The following CFAP52 variants were observed in gnomAD, a reference collection of about 807,000 sequenced individuals.
CFAP52 encodes cilia and flagella associated protein 52.
In CFAP52, 57 loss-of-function variants were observed where a neutral mutation model predicts 70.5. The observed-to-expected ratio is 0.81, with a 90% CI of 0.65 to 1.01. The LOEUF (loss-of-function observed/expected upper bound fraction) is 1.01. CFAP52 is among the 50% of genes least tolerant of loss of function. The pLI is 0.00. For missense variants in CFAP52, 785 were observed against 788.5 expected, an observed-to-expected ratio of 1.00 and a Z score of 0.05; for synonymous variants, 267 against 292.5, an observed-to-expected ratio of 0.91 and a Z score of 0.89.
chr17:9,607,822 T>C (rs940424163), intron 6 of CFAP52, among the ~76,000 whole-genome samples: 4 of 151,966 alleles, frequency 2.6e-5, no homozygotes, highest in African/African-American at 9.7e-5. Flanking sequence ...CCCAGGAGGG[T>C]TACTTCCTGG....
chr17:9,631,766 A>G (rs985213906), intron 9 of CFAP52, among the ~76,000 whole-genome samples: 7 of 150,180 alleles, frequency 4.7e-5, no homozygotes, highest in East Asian at 1.9e-4. Flanking sequence ...AATGTTTTGG[A>G]AAGTTTTTTT....
At chr17:9,633,675 C>CTTTTT (rs555923244) in intron 10 of CFAP52, among the ~76,000 whole-genome samples, 17 of 138,540 alleles carry the variant, frequency 1.2e-4, no homozygotes, top group African/African-American at 4.5e-4. Flanking sequence ...GTCATCTTAT[C>CTTTTT]TTTTTTTTTT....
rs754402594 is a variant in CFAP52 at position 9,598,262 on chromosome 17, C to T, written c.565C>T (p.Leu189Phe). Residue 189 changes from leucine (L) to phenylalanine (F), a missense_variant, in exon 5 of 14, where the codon CTT (leucine) becomes TTT (phenylalanine). Transcript: ENST00000352665. Reference sequence around the variant, plus strand: ...GACAATTCGAGTATGGGAATTGGATCTTCCAAATAGAAAAATCTGGCCAAC... The same window carrying T: ...GACAATTCGAGTATGGGAATTGGATTTTCCAAATAGAAAAATCTGGCCAAC... ...NGTIRVWELD[L>F]PNRKIWPTEC... 4.3e-6 allele frequency: 7 copies of T among 1,610,054 alleles called. No homozygotes were observed. In the Admixed American group the frequency reaches 1.0e-4, roughly 23 times the overall value.
chr17:9,596,101 ATG>A lies in CFAP52; in HGVS notation c.536+1782_536+1783del, dbSNP rs1402298429. On this transcript the variant is annotated intron_variant, in intron 4 of 13. Coordinates refer to ENST00000352665, the MANE Select transcript of CFAP52 (RefSeq NM_145054.5). ...TATATATATATATATATATATATAT[ATG>A]TACACATATAGAGAGAGACAGACTC... 5.0e-3 allele frequency among the ~76,000 whole-genome samples: 653 copies of A among 131,158 alleles called. 3 individuals carry two copies. The highest frequency in any genetic ancestry group is 9.6e-3 in the African/African-American group (331 of 34,456). The allele number at this position is 131,158 out of a possible 152,430, so 86.0% of individuals were successfully genotyped here. A position where few individuals can be genotyped will look rare whatever the true frequency, so the allele number is the denominator to read the frequency against.
intron 9 of CFAP52, among the ~76,000 whole-genome samples, chr17:9,630,997 AGAAAG>A (rs1910462177): frequency 1.9e-5 from 1 of 51,918 alleles, no homozygotes; most frequent in African/African-American, 1.4e-4. Flanking sequence ...AAAAAAAGAA[AGAAAG>A]AAAGAAAGAA....
At chr17:9,585,486 G>A (rs1260093291) in intron 1 of CFAP52, among the ~76,000 whole-genome samples, 1 of 152,214 alleles carries the variant, frequency 6.6e-6, no homozygotes, top group Middle Eastern at 3.4e-3. Flanking sequence ...GACCAACATG[G>A]TGAAACCCCG....
chr17:9,625,375 A>C (rs1414724830), intron 8 of CFAP52, among the ~76,000 whole-genome samples: 2 of 151,870 alleles, frequency 1.3e-5, no homozygotes, highest in African/African-American at 4.8e-5. Flanking sequence ...TTCCCCCTTT[A>C]AATTCCAGCT....
At chr17:9,628,905 T>C in intron 9 of CFAP52, 85 bp downstream of exon 9, 1 of 1,580,394 alleles carries the variant, frequency 6.3e-7, no homozygotes. Context: ...AGTCTCTACA[T>C]GTGGATAACC....
rs562813196 is a variant in CFAP52, at chr17:9,631,769, G to GTTTTTTTTT, written c.1175-1112_1175-1104dup. ...GTGCAGTGGGAAAATGTTTTGGAAA[G>GTTTTTTTTT]TTTTTTTTTTTTTTTGAGATGGAGT... On this transcript the variant is annotated intron_variant, in intron 9 of 13. Transcript: ENST00000352665. Among the ~76,000 whole-genome samples the GTTTTTTTTT allele has an allele frequency of 1.3e-3, 185 of 141,566 alleles. 4 individuals are homozygous for GTTTTTTTTT. Among genetic ancestry groups the GTTTTTTTTT allele is most frequent in the African/African-American group, 4.4e-3 (170 of 38,210 alleles). The allele number at this position is 141,566 out of a possible 152,430, so 92.9% of individuals were successfully genotyped here.
At chr17:9,617,011 C>T (rs1039299436) in intron 8 of CFAP52, among the ~76,000 whole-genome samples, 5 of 85,528 alleles carry the variant, frequency 5.8e-5, no homozygotes, top group Admixed American at 2.3e-4. Context: ...ATGATTTTGA[C>T]GAGCTGAGAG....
intron 8 of CFAP52, among the ~76,000 whole-genome samples, chr17:9,615,495 CA>C (rs1344890815): frequency 6.6e-6 from 1 of 152,080 alleles, no homozygotes; most frequent in Non-Finnish European, 1.5e-5. Context: ...TTCTGTTTAA[CA>C]TGTTTACTCT....
intron 6 of CFAP52, among the ~76,000 whole-genome samples, chr17:9,601,183 T>G (rs79792561): frequency 0.24 from 35,674 of 148,282 alleles, 4,499 homozygotes; most frequent in East Asian, 0.45. Context: ...AACACCACAT[T>G]TTCTTACTCA....
At chr17:9,586,052 G>C (rs1445920722) in intron 2 of CFAP52, 80 bp downstream of exon 2, 4 of 1,411,464 alleles carry the variant, frequency 2.8e-6, no homozygotes, top group Admixed American at 1.8e-5. Flanking sequence ...CAAGTTGTTA[G>C]TTCTATGTGG....
At chr17:9,597,839 A>C (rs201765793) in intron 4 of CFAP52, among the ~76,000 whole-genome samples, 1 of 139,782 alleles carries the variant, frequency 7.2e-6, no homozygotes, top group Non-Finnish European at 1.5e-5. Context: ...GAAAGAGAGA[A>C]AGAGAGAGAG....
intron 11 of CFAP52, 89 bp from the exon 12 acceptor site, chr17:9,638,520 C>T: frequency 7.8e-7 from 1 of 1,278,024 alleles, no homozygotes; most frequent in Non-Finnish European, 1.1e-6. Flanking sequence ...AACCCAAATC[C>T]CAGCTTGCAC....
intron 4 of CFAP52, among the ~76,000 whole-genome samples, chr17:9,596,520 T>C (rs1477777070): frequency 6.6e-6 from 1 of 152,200 alleles, no homozygotes; most frequent in Non-Finnish European, 1.5e-5. Context: ...CAACATATAA[T>C]GAGTAAATAC....
chr17:9,608,324 A>G lies in CFAP52; in HGVS notation c.854+105A>G, dbSNP rs1346470923. On this transcript the variant is annotated intron_variant, in intron 7 of 13. Coordinates refer to ENST00000352665, the MANE Select transcript of CFAP52 (RefSeq NM_145054.5). ...TATCGGCAAAGTGATATTTGGTTAA[A>G]AAATTTCATCTTGCTGTTAGAATGA... The G allele has an allele frequency of 6.4e-6, 6 of 931,752 alleles. No individual in the cohort carries two copies. In the African/African-American group the frequency reaches 1.0e-4, roughly 15 times the overall value. The allele number at this position is 931,752 out of a possible 1,614,324, so 57.7% of individuals were successfully genotyped here.
chr17:9,633,123 C>A, intron 10 of CFAP52, 90 bp downstream of exon 10: 1 of 1,447,838 alleles, frequency 6.9e-7, no homozygotes, highest in Non-Finnish European at 9.2e-7. Context: ...AAATACACAC[C>A]TTTGCTAGTA....
intron 6 of CFAP52, among the ~76,000 whole-genome samples, chr17:9,604,538 C>T (rs1011158973): frequency 6.6e-6 from 1 of 151,922 alleles, no homozygotes; most frequent in Admixed American, 6.6e-5. Context: ...GAGGCTGAGG[C>T]GGGCCGATCA....
Sources: allele counts gnomAD v4.1 joint callset (sites outside exome capture counted in the v4.1 genomes callset), GRCh38; gene constraint gnomAD v4.1.1; transcripts MANE v1.5; gene names NCBI Gene and HGNC (gene_info 2026-07-23, HGNC 2026-07-21).